The following RALGAPA1 variants were observed in gnomAD, a reference collection of about 807,000 sequenced individuals.
RALGAPA1 encodes the protein ral GTPase-activating protein subunit alpha-1.
In RALGAPA1, 52 loss-of-function variants were observed where a neutral mutation model predicts 269.6. The observed-to-expected ratio is 0.19, with a 90% CI of 0.15 to 0.24. RALGAPA1 has a LOEUF of 0.24. Ranked by LOEUF, RALGAPA1 falls within the 10% of genes least tolerant of loss-of-function variation. The pLI, the probability that RALGAPA1 is intolerant of heterozygous loss-of-function variation, is 1.00. For missense variants in RALGAPA1, 1,917 were observed against 3,013.9 expected, an observed-to-expected ratio of 0.64 and a Z score of 8.52; for synonymous variants, 817 against 1,008.3, an observed-to-expected ratio of 0.81 and a Z score of 3.60.
In RALGAPA1 at chr14:35,689,383, C is replaced by T. The variant is rs549858124; in HGVS notation, c.3028G>A (p.Glu1010Lys). 34 of 1,232,172 alleles carry T rather than the reference C, an allele frequency of 2.8e-5. No homozygotes were observed. The African/African-American group carries it at 4.8e-4, about 17-fold the overall frequency. The allele number at this position is 1,232,172 out of a possible 1,614,324, so 76.3% of individuals were successfully genotyped here. Residue 1010 changes from glutamate to lysine, a missense_variant, in exon 18 of 42, where the codon GAA (glutamate) becomes AAA (lysine). Coordinates refer to ENST00000680220, the MANE Select transcript of RALGAPA1 (RefSeq NM_001346249.2). ...CTCATGAAGACAGCTGAGTTTGGTT[C>T]TTTCTGAAACTGTAGGTTTTCAGGA... ...GTPENLQFQK[E>K]PNSAVFMSNI...
intron 33 of RALGAPA1, among the ~76,000 whole-genome samples, chr14:35,628,865 G>A (rs2061148752): frequency 6.6e-6 from 1 of 151,952 alleles, no homozygotes; most frequent in African/African-American, 2.4e-5. Flanking sequence ...CAGGTAAGAA[G>A]CATATTCATA....
rs373827003 is a variant in RALGAPA1 at position 35,623,720 on chromosome 14, C to CTTT, written c.6929+1640_6929+1641insAAA. Among the ~76,000 whole-genome samples the CTTT allele has an allele frequency of 3.5e-4, 53 of 152,238 alleles. No individual in the cohort carries two copies. In the East Asian group the frequency reaches 9.1e-3, roughly 26 times the overall value. On this transcript the variant is annotated intron_variant, in intron 35 of 41. Transcript: ENST00000680220. Reference sequence around the variant, plus strand: ...CCTAAATAATTCTATTCCTGGGACTCTATCCTGCGGCAAGAAATTAAAAAC... The same window carrying CTTT: ...CCTAAATAATTCTATTCCTGGGACTCTTTTATCCTGCGGCAAGAAATTAAAAAC...
At chr14:35,786,546 G>A (rs2141704943) in intron 1 of RALGAPA1, among the ~76,000 whole-genome samples, 1 of 152,094 alleles carries the variant, frequency 6.6e-6, no homozygotes, top group South Asian at 2.1e-4. Context: ...GCTGAGGCAG[G>A]AGAATGGCGT....
chr14:35,552,218 A>T (rs774335228), intron 39 of RALGAPA1, among the ~76,000 whole-genome samples: 3 of 152,104 alleles, frequency 2.0e-5, no homozygotes, highest in Non-Finnish European at 4.4e-5. Flanking sequence ...AAGGAAATAT[A>T]ATAAACTCTA....
chr14:35,803,516 C>A (rs1399627790), intron 1 of RALGAPA1, among the ~76,000 whole-genome samples: 1 of 151,960 alleles, frequency 6.6e-6, no homozygotes, highest in Non-Finnish European at 1.5e-5. Context: ...TTCAAAGAAA[C>A]AACTTCTTCT....
intron 31 of RALGAPA1, among the ~76,000 whole-genome samples, chr14:35,637,264 C>T (rs1351586530): frequency 6.6e-6 from 1 of 152,114 alleles, no homozygotes; most frequent in African/African-American, 2.4e-5. Flanking sequence ...ACAGAGATGT[C>T]ACCTGACAGA....
chr14:35,612,027 G>T (rs536467394), intron 35 of RALGAPA1, among the ~76,000 whole-genome samples: 1 of 152,218 alleles, frequency 6.6e-6, no homozygotes, highest in South Asian at 2.1e-4. Flanking sequence ...ACATTTCAAT[G>T]AATAGTGTTT....
Position 35,658,909 on chromosome 14 carries a change from T to G in RALGAPA1, c.5387+229A>C, listed in dbSNP as rs560043168. 1.6e-4 allele frequency among the ~76,000 whole-genome samples: 24 copies of G among 152,128 alleles called. No homozygotes were observed. In the East Asian group the frequency reaches 4.6e-3, roughly 29 times the overall value. The stretch of plus-strand genomic sequence containing the variant: ...AAATTAAAACAAATCATTTTAGAGA[T>G]AAAGAGTGAAGTTACTGAAAAAGGT... On this transcript the variant is annotated intron_variant, in intron 28 of 41. Coordinates refer to ENST00000680220, the MANE Select transcript of RALGAPA1 (RefSeq NM_001346249.2).
chr14:35,634,451 T>A (rs1415127842), intron 33 of RALGAPA1, 123 bp downstream of exon 33: 1 of 642,112 alleles, frequency 1.6e-6, no homozygotes, highest in Non-Finnish European at 2.5e-6. Context: ...GTGCTATACA[T>A]ACATGGTTAA....
chr14:35,715,182 C>A (rs72642583), intron 16 of RALGAPA1, among the ~76,000 whole-genome samples: 12,931 of 152,090 alleles, frequency 0.085, 876 homozygotes, highest in East Asian at 0.37. Flanking sequence ...TTCTGGTATT[C>A]CAACTAGACA....
chr14:35,587,725 G>T (rs1241491833), intron 37 of RALGAPA1, among the ~76,000 whole-genome samples: 3 of 151,980 alleles, frequency 2.0e-5, no homozygotes, highest in Non-Finnish European at 4.4e-5. Flanking sequence ...TCGTGGGGTG[G>T]GGGGAAGGGG....
intron 10 of RALGAPA1, among the ~76,000 whole-genome samples, chr14:35,746,201 T>C (rs567697959): frequency 5.3e-5 from 8 of 152,140 alleles, no homozygotes; most frequent in Non-Finnish European, 1.2e-4. Context: ...ATTTGCAATA[T>C]AAAAAATCAA....
intron 16 of RALGAPA1, among the ~76,000 whole-genome samples, chr14:35,719,021 T>C (rs2069125936): frequency 6.6e-6 from 1 of 151,938 alleles, no homozygotes; most frequent in Admixed American, 6.6e-5. Flanking sequence ...TTTGTATTTT[T>C]TTGGTAGAGA....
chr14:35,767,141 A>G (rs745306580), intron 4 of RALGAPA1: 3 of 201,220 alleles, frequency 1.5e-5, no homozygotes, highest in Non-Finnish European at 3.0e-5. Context: ...AAAATTTTTA[A>G]AAATTATTGC....
chr14:35,563,396 T>C lies in RALGAPA1; in HGVS notation c.7496+7221A>G, dbSNP rs528848871. Among the ~76,000 whole-genome samples, 3 of 152,086 alleles carry C rather than the reference T, an allele frequency of 2.0e-5. No homozygotes were observed. The South Asian group carries it at 6.2e-4, about 32-fold the overall frequency. The stretch of plus-strand genomic sequence containing the variant: ...GAAAAAGAAGAGCATTCAGGAATAA[T>C]GAATATGACTTAGCTGGACACATAA... On this transcript the variant is annotated intron_variant, in intron 39 of 41. Transcript: ENST00000680220.
At position 35,677,941 on chromosome 14, in the gene RALGAPA1, A is replaced by G. The variant is rs1487075681; in HGVS notation, c.4624+9T>C. 6.2e-7 allele frequency: 1 copy of G among 1,611,918 alleles called. No homozygotes were observed. Among genetic ancestry groups the G allele is most frequent in the African/African-American group, 1.3e-5 (1 of 74,856 alleles). On this transcript the variant is annotated intron_variant, in intron 22 of 41. Coordinates refer to ENST00000680220, the MANE Select transcript of RALGAPA1 (RefSeq NM_001346249.2). ...GAAAAAAGGTAAATATCTAATTTTG[A>G]AATATTGCCTAGATCATCTGGTGTC...
intron 38 of RALGAPA1, among the ~76,000 whole-genome samples, chr14:35,572,235 AC>A (rs1419220962): frequency 6.6e-6 from 1 of 152,214 alleles, no homozygotes; most frequent in African/African-American, 2.4e-5. Context: ...GTAAATGATT[AC>A]TTCTTACTGT....
chr14:35,678,710 C>T (rs2065165751), intron 21 of RALGAPA1, among the ~76,000 whole-genome samples: 1 of 152,168 alleles, frequency 6.6e-6, no homozygotes, highest in Admixed American at 6.5e-5. Context: ...TTTCTTGCCT[C>T]CCCACAACCC....
chr14:35,546,458 T>A (rs1170540364), intron 41 of RALGAPA1, among the ~76,000 whole-genome samples: 1 of 149,876 alleles, frequency 6.7e-6, no homozygotes, highest in Non-Finnish European at 1.5e-5. Context: ...TAAAGTGTAA[T>A]AATAATAATA....
Sources: allele counts gnomAD v4.1 joint callset (sites outside exome capture counted in the v4.1 genomes callset), GRCh38; gene constraint gnomAD v4.1.1; transcripts MANE v1.5; gene names NCBI Gene and HGNC (gene_info 2026-07-23, HGNC 2026-07-21).